PITPNM3: variants seen among roughly 807,000 people sequenced by gnomAD.
The protein encoded by PITPNM3 is membrane-associated phosphatidylinositol transfer protein 3.
Under a neutral mutation model 102.0 loss-of-function variants are expected in PITPNM3, and 26 were observed. That is an observed-to-expected ratio of 0.25 (90% confidence interval 0.19 to 0.35). The LOEUF is 0.35. PITPNM3 is among the 10% of genes least tolerant of loss of function. The pLI is 1.00. For synonymous variants in PITPNM3, 578 were observed against 558.6 expected, an observed-to-expected ratio of 1.03 and a Z score of -0.49; for missense variants, 1,083 against 1,346.1, an observed-to-expected ratio of 0.80 and a Z score of 3.06.
intron 6 of PITPNM3, among the ~76,000 whole-genome samples, chr17:6,482,040 G>GTCTCTC (rs56855120): frequency 1.3e-4 from 7 of 55,186 alleles, no homozygotes; most frequent in Admixed American, 2.0e-4. Flanking sequence ...CTCTCTGTCT[G>GTCTCTC]TCTCTCTCTC....
rs1471395517 is a variant in PITPNM3 at position 6,556,391 on chromosome 17, G to C, written c.16C>G (p.Arg6Gly). 9.0e-6 allele frequency: 12 copies of C among 1,335,648 alleles called. No homozygotes were observed. The highest frequency in any genetic ancestry group is 5.1e-5 in the South Asian group (3 of 58,642). The allele number at this position is 1,335,648 out of a possible 1,614,324, so 82.7% of individuals were successfully genotyped here. MAKAG[R>G]AGGPPPGGGA... ...TCCCCGCGCCCGCCCTCACCTGCACGGCCCGCCTTGGCCATGTCCCGGGCG... is the reference window on the plus strand; with the variant it reads ...TCCCCGCGCCCGCCCTCACCTGCACCGCCCGCCTTGGCCATGTCCCGGGCG... Residue 6 changes from arginine (R) to glycine (G), a missense_variant, in exon 1 of 20, where the codon CGT (arginine) becomes GGT (glycine). Arg to Gly is a moderately radical substitution (Grantham distance 125). This residue lies in a region of PITPNM3 where 290 missense variants were observed against 337.8 expected (regional missense o/e 0.86). Transcript: ENST00000262483. This position sits in a 1 kb window ranked among gnomAD's most constrained non-coding sequence, Gnocchi z 5.2.
At chr17:6,463,626 G>A (rs756834694) in intron 17 of PITPNM3, 106 bp downstream of exon 17, 16 of 1,464,648 alleles carry the variant, frequency 1.1e-5, no homozygotes, top group Non-Finnish European at 1.4e-5. Flanking sequence ...CAGCCCCAGA[G>A]ACCGGTAGAA....
chr17:6,552,762 CTTTTTTT>C (rs34225911), intron 1 of PITPNM3, among the ~76,000 whole-genome samples: 3 of 89,012 alleles, frequency 3.4e-5, no homozygotes, highest in South Asian at 7.9e-4. Context: ...CTTTCTTTTT[CTTTTTTT>C]TTTTTTTTTT....
At position 6,471,185 on chromosome 17, in the gene PITPNM3, T is replaced by C; in HGVS notation, c.1600A>G (p.Met534Val). The change falls in exon 12 of 20, where the codon ATG becomes GTG. Residue 534 changes from methionine (M) to valine (V), a missense_variant. Around this residue, in one of 5 missense-constraint regions of PITPNM3, gnomAD observed 410 missense variants for 638.4 expected, o/e 0.64. Transcript: ENST00000262483. ...HSESSESSDS[M>V]APVGASRITA... is the part of the protein sequence containing the mutation. Reference sequence around the variant, plus strand: ...CTGCGGGAGGCACCCACGGGTGCCATGCTGTCCGAGGACTCCGAGCTCTCG... The same window carrying C: ...CTGCGGGAGGCACCCACGGGTGCCACGCTGTCCGAGGACTCCGAGCTCTCG... 6.2e-7 allele frequency: 1 copy of C among 1,612,852 alleles called. No homozygotes were observed. The highest frequency in any genetic ancestry group is 1.1e-5 in the South Asian group (1 of 91,030).
At chr17:6,463,368 G>A (rs759750145) in intron 17 of PITPNM3, among the ~76,000 whole-genome samples, 2 of 124,814 alleles carry the variant, frequency 1.6e-5, no homozygotes, top group South Asian at 4.8e-4. Context: ...CCAGCACACA[G>A]CCCAGCCACA....
chr17:6,464,221 G>C lies in PITPNM3; in HGVS notation c.2105C>G (p.Pro702Arg). ...ACCAACCCCCAGGCGCCGGGGCCGCGGCACATTGTATGTGATGCGACCACT... is the reference window on the plus strand; with the variant it reads ...ACCAACCCCCAGGCGCCGGGGCCGCCGCACATTGTATGTGATGCGACCACT... Reference protein sequence around the residue: ...NSSGRITYNVPRPRRLGVGVY... With the variant: ...NSSGRITYNVRRPRRLGVGVY... Residue 702 changes from proline (P) to arginine (R), a missense_variant, in exon 16 of 20, where the codon CCG becomes CGG. Pro to Arg is a moderately radical substitution (Grantham distance 103). Transcript: ENST00000262483. 1 of 1,614,172 alleles carries C rather than the reference G, an allele frequency of 6.2e-7. No individual in the cohort carries two copies. The highest frequency in any genetic ancestry group is 8.5e-7 in the Non-Finnish European group (1 of 1,180,028).
chr17:6,484,546 A>C (rs1905955790), intron 4 of PITPNM3, among the ~76,000 whole-genome samples: 1 of 152,194 alleles, frequency 6.6e-6, no homozygotes, highest in African/African-American at 2.4e-5. Flanking sequence ...TCCTGAAAGG[A>C]GGGGCTTCCT....
At chr17:6,519,218 T>A (rs1479269918) in intron 3 of PITPNM3, among the ~76,000 whole-genome samples, 1 of 61,606 alleles carries the variant, frequency 1.6e-5, no homozygotes, top group Non-Finnish European at 3.4e-5. Flanking sequence ...GCGCCTGTAG[T>A]CCCAGCTACT....
intron 4 of PITPNM3, among the ~76,000 whole-genome samples, chr17:6,489,271 G>A (rs1241514940): frequency 6.6e-6 from 1 of 152,056 alleles, no homozygotes; most frequent in Non-Finnish European, 1.5e-5. Context: ...GGATGCTGAG[G>A]GCCCACTGGC....
chr17:6,468,047 C>T lies in PITPNM3; in HGVS notation c.1890+178G>A, dbSNP rs1904871343. 6.6e-6 allele frequency among the ~76,000 whole-genome samples: 1 copy of T among 152,230 alleles called. No individual in the cohort carries two copies. The highest frequency in any genetic ancestry group is 2.1e-4 in the South Asian group (1 of 4,832). ...ACCAGGCCATGGGAAGCAACTCACACACCCTTGCAGCTGCAGTGCCTGGGC... is the reference window on the plus strand; with the variant it reads ...ACCAGGCCATGGGAAGCAACTCACATACCCTTGCAGCTGCAGTGCCTGGGC... On this transcript the variant is annotated intron_variant, in intron 14 of 19. Transcript: ENST00000262483. The surrounding 1 kb of genome is among the most constrained non-coding windows in gnomAD (Gnocchi z 5.2).
rs1904961962 is a variant in PITPNM3 at position 6,469,656 on chromosome 17, G to A, written c.1773+604C>T. On this transcript the variant is annotated intron_variant, in intron 13 of 19. Coordinates refer to ENST00000262483, the MANE Select transcript of PITPNM3 (RefSeq NM_031220.4). The surrounding 1 kb of genome is among the most constrained non-coding windows in gnomAD (Gnocchi z 4.0). ...AGCCTCCTCTCTAAGTTGGGCCCCT[G>A]CACTGGCCTCACAAGAGGCCTCATG... Among the ~76,000 whole-genome samples, 1 of 152,160 alleles carries A rather than the reference G, an allele frequency of 6.6e-6. No homozygotes were observed. Among genetic ancestry groups the A allele is most frequent in the Non-Finnish European group, 1.5e-5 (1 of 68,036 alleles).
At chr17:6,461,349 C>A (rs752098777) in intron 18 of PITPNM3, 24 bp downstream of exon 18, 31 of 1,611,728 alleles carry the variant, frequency 1.9e-5, no homozygotes, top group Non-Finnish European at 2.5e-5. Flanking sequence ...GCCATGGAGT[C>A]CCCACCCCAG....
rs1368633252 is a variant in PITPNM3, at chr17:6,470,516, C to T, written c.1625-108G>A. ...CTGGTGGTGGATGCCCCACGTGGGG[C>T]ACGGGTTTGGGCGGGAGCACCCTGG... On this transcript the variant is annotated intron_variant, in intron 12 of 19. Transcript: ENST00000262483. The surrounding 1 kb of genome is among the most constrained non-coding windows in gnomAD (Gnocchi z 4.8). 2.7e-6 allele frequency: 4 copies of T among 1,494,992 alleles called. No homozygotes were observed. Among genetic ancestry groups the T allele is most frequent in the Admixed American group, 3.5e-5 (2 of 56,890 alleles). The allele number at this position is 1,494,992 out of a possible 1,614,324, so 92.6% of individuals were successfully genotyped here. A position where few individuals can be genotyped will look rare whatever the true frequency, so the allele number is the denominator to read the frequency against.
intron 1 of PITPNM3, among the ~76,000 whole-genome samples, chr17:6,544,625 GTCTCTCTCTCTCTC>G (rs67144965): frequency 2.9e-5 from 4 of 137,192 alleles, no homozygotes; most frequent in Non-Finnish European, 6.1e-5. Context: ...TTTGAATGGT[GTCTCTCTCTCTCTC>G]TCTCTCTCTC....
chr17:6,521,243 C>T (rs1020015631), intron 3 of PITPNM3: 1 of 152,194 alleles, frequency 6.6e-6, no homozygotes, highest in Non-Finnish European at 1.5e-5. Flanking sequence ...AAAACCCTGT[C>T]TCTACTAAAA....
chr17:6,525,910 G>T (rs1029987487), intron 2 of PITPNM3, among the ~76,000 whole-genome samples: 1 of 152,334 alleles, frequency 6.6e-6, no homozygotes, highest in African/African-American at 2.4e-5. Context: ...GATAATGGAT[G>T]TAAAGGTCTT....
chr17:6,546,923 CT>C (rs1910049470), intron 1 of PITPNM3, among the ~76,000 whole-genome samples: 1 of 152,032 alleles, frequency 6.6e-6, no homozygotes, highest in Non-Finnish European at 1.5e-5. Flanking sequence ...GGGAGAACTG[CT>C]TGAACCCGGG....
At position 6,464,649 on chromosome 17, in the gene PITPNM3, A is replaced by G; in HGVS notation, c.2007+6T>C. ...GGCTGAGGAGGGGAGGCCCAGCCCCAGGTACCTTCTCTCCAGTCAGAGCCA... is the reference window on the plus strand; with the variant it reads ...GGCTGAGGAGGGGAGGCCCAGCCCCGGGTACCTTCTCTCCAGTCAGAGCCA... On this transcript the variant is annotated splice_donor_region_variant and intron_variant, in intron 15 of 19. Transcript: ENST00000262483. The G allele has an allele frequency of 6.2e-7, 1 of 1,612,334 alleles. No individual in the cohort carries two copies. Among genetic ancestry groups the G allele is most frequent in the South Asian group, 1.1e-5 (1 of 91,020 alleles).
Position 6,455,572 on chromosome 17 carries a change from GTTC to G in PITPNM3, c.2688_2690del (p.Lys896del), listed in dbSNP as rs774569871. 64 of 1,600,344 alleles carry G rather than the reference GTTC, an allele frequency of 4.0e-5. No individual in the cohort carries two copies. Among genetic ancestry groups the G allele is most frequent in the Non-Finnish European group, 4.7e-5 (56 of 1,179,168 alleles). ...CCTTGCGCAGGATCATGCGCGAGTT[GTTC>G]TTCTTTGGGCGTGAGCGGTGGCTGG... is the stretch of plus-strand genomic sequence containing the variant. On this transcript the variant is annotated inframe_deletion, in exon 20 of 20. Transcript: ENST00000262483.
Sources: allele counts gnomAD v4.1 joint callset (sites outside exome capture counted in the v4.1 genomes callset), GRCh38; gene constraint gnomAD v4.1.1; regional missense constraint gnomAD v4.1.1; non-coding constraint Gnocchi (gnomAD v3.1); transcripts MANE v1.5; gene names NCBI Gene and HGNC (gene_info 2026-07-23, HGNC 2026-07-21).